Variants in RSRC1 observed in about 807,000 individuals in gnomAD.
RSRC1 encodes arginine and serine rich coiled-coil 1, also known as serine/Arginine-related protein 53.
Under a neutral mutation model 49.1 loss-of-function variants are expected in RSRC1, and 39 were observed. That is an observed-to-expected ratio of 0.79 (90% confidence interval 0.61 to 1.04). The LOEUF (loss-of-function observed/expected upper bound fraction) is 1.04, where lower values mean the gene tolerates loss of function less well. Among genes scored for constraint, RSRC1 ranks in the 50% least tolerant of loss-of-function variants. The probability of loss-of-function intolerance (pLI) is 0.00; values close to 1 mark genes in which losing one functional copy is unlikely to be tolerated. For synonymous variants in RSRC1, 143 were observed against 130.8 expected, an observed-to-expected ratio of 1.09 and a Z score of -0.63; for missense variants, 388 against 402.4, an observed-to-expected ratio of 0.96 and a Z score of 0.31.
At chr3:158,530,995 T>C (rs904219392) in intron 7 of RSRC1, among the ~76,000 whole-genome samples, 1 of 150,482 alleles carries the variant, frequency 6.6e-6, no homozygotes, top group Non-Finnish European at 1.5e-5. Flanking sequence ...AAACTTTTTA[T>C]AATTTGACAT....
intron 5 of RSRC1, among the ~76,000 whole-genome samples, chr3:158,338,337 T>A (rs1321278381): frequency 6.6e-6 from 1 of 152,236 alleles, no homozygotes; most frequent in African/African-American, 2.4e-5. Context: ...TGGTTTTTAT[T>A]TAAACCAACT....
intron 1 of RSRC1, among the ~76,000 whole-genome samples, chr3:158,116,740 GA>G (rs10711190): frequency 0.73 from 110,511 of 151,948 alleles, 41,239 homozygotes; most frequent in African/African-American, 0.89. Flanking sequence ...TGAGTCCCCT[GA>G]AAAGTGTTGT....
intron 5 of RSRC1, among the ~76,000 whole-genome samples, chr3:158,353,070 T>A (rs1047172544): frequency 5.3e-5 from 8 of 152,236 alleles, no homozygotes; most frequent in African/African-American, 1.9e-4. Context: ...TGTCATCTCC[T>A]CCTTCTCTAA....
At chr3:158,324,525 C>T (rs890555382) in intron 5 of RSRC1, among the ~76,000 whole-genome samples, 13 of 152,152 alleles carry the variant, frequency 8.5e-5, no homozygotes, top group African/African-American at 2.4e-4. Flanking sequence ...GAATGATGGT[C>T]TCCAGCTTCA....
intron 5 of RSRC1, among the ~76,000 whole-genome samples, chr3:158,330,092 A>G (rs1729457756): frequency 1.3e-5 from 2 of 152,206 alleles, no homozygotes; most frequent in Admixed American, 1.3e-4. Flanking sequence ...AAAGTGCAGT[A>G]TTAGGGTGGG....
At position 158,507,057 on chromosome 3, in the gene RSRC1, C is replaced by T. The variant is rs1486111541; in HGVS notation, c.653-30035C>T. Among the ~76,000 whole-genome samples the T allele has an allele frequency of 8.6e-5, 13 of 151,790 alleles. No individual in the cohort carries two copies. The East Asian group carries it at 2.3e-3, about 27-fold the overall frequency. The stretch of plus-strand genomic sequence containing the variant: ...TATACACAATGGAATATTATTCAGC[C>T]ACAAATAAAAGAGTGAAATCCTGTT... On this transcript the variant is annotated intron_variant, in intron 7 of 9. Transcript: ENST00000611884.
intron 4 of RSRC1, among the ~76,000 whole-genome samples, chr3:158,295,043 G>C (rs1446568130): frequency 6.6e-6 from 1 of 152,152 alleles, no homozygotes; most frequent in Non-Finnish European, 1.5e-5. Flanking sequence ...ACTGGTGTAA[G>C]TAGGAAAGTA....
intron 3 of RSRC1, among the ~76,000 whole-genome samples, chr3:158,138,770 A>C (rs962333256): frequency 1.3e-5 from 2 of 152,222 alleles, no homozygotes; most frequent in African/African-American, 4.8e-5. Context: ...CATTAAGTTA[A>C]AATTATTTTC....
At chr3:158,517,348 C>G (rs188930438) in intron 7 of RSRC1, among the ~76,000 whole-genome samples, 5 of 151,930 alleles carry the variant, frequency 3.3e-5, no homozygotes, top group African/African-American at 1.2e-4. Flanking sequence ...CTTTCTTTTT[C>G]TTTTCTCACT....
At chr3:158,423,870 C>G (rs530743098) in intron 6 of RSRC1, among the ~76,000 whole-genome samples, 6 of 151,166 alleles carry the variant, frequency 4.0e-5, no homozygotes, top group Admixed American at 2.6e-4. Context: ...TGATTTGGCT[C>G]TCTGTCTGTT....
intron 6 of RSRC1, among the ~76,000 whole-genome samples, chr3:158,435,842 G>A (rs1476284357): frequency 1.3e-5 from 2 of 151,648 alleles, no homozygotes; most frequent in Admixed American, 6.6e-5. Flanking sequence ...ACTAGAAGAT[G>A]TGTGTTTTAT....
intron 6 of RSRC1, among the ~76,000 whole-genome samples, chr3:158,441,412 A>G (rs1185523192): frequency 1.3e-5 from 2 of 152,130 alleles, no homozygotes; most frequent in Non-Finnish European, 2.9e-5. Flanking sequence ...TAACAAAAGA[A>G]AGAACCAAAC....
At chr3:158,200,496 A>C (rs1720980312) in intron 3 of RSRC1, among the ~76,000 whole-genome samples, 1 of 152,182 alleles carries the variant, frequency 6.6e-6, no homozygotes, top group Admixed American at 6.5e-5. Flanking sequence ...TAATGTACTT[A>C]TTGATATAAT....
chr3:158,305,438 A>G (rs1399270353), intron 5 of RSRC1, among the ~76,000 whole-genome samples: 6 of 152,136 alleles, frequency 3.9e-5, no homozygotes, highest in African/African-American at 1.4e-4. Context: ...GGGTCTGAAA[A>G]TCAGACCTTC....
At chr3:158,492,036 T>G (rs1739105707) in intron 7 of RSRC1, among the ~76,000 whole-genome samples, 1 of 152,120 alleles carries the variant, frequency 6.6e-6, no homozygotes, top group Admixed American at 6.5e-5. Context: ...TCCACATGGC[T>G]GGGGGAGGCC....
intron 3 of RSRC1, among the ~76,000 whole-genome samples, chr3:158,172,704 A>G (rs1476764017): frequency 1.3e-5 from 2 of 152,160 alleles, no homozygotes; most frequent in Admixed American, 6.5e-5. Flanking sequence ...ACATGTCATC[A>G]TCTTTTAGGA....
At chr3:158,276,368 G>T in intron 4 of RSRC1, 1 of 778,548 alleles carries the variant, frequency 1.3e-6, no homozygotes, top group Non-Finnish European at 2.3e-6. Flanking sequence ...GAAAGCGCAT[G>T]ATGACATCAG....
chr3:158,172,507 T>A (rs1718934205), intron 3 of RSRC1, among the ~76,000 whole-genome samples: 1 of 152,170 alleles, frequency 6.6e-6, no homozygotes, highest in African/African-American at 2.4e-5. Flanking sequence ...TGTTGAAACA[T>A]TAAAAGGAAG....
At chr3:158,441,744 C>T (rs1408548386) in intron 6 of RSRC1, among the ~76,000 whole-genome samples, 1 of 152,040 alleles carries the variant, frequency 6.6e-6, no homozygotes, top group Non-Finnish European at 1.5e-5. Context: ...CTTCAGGATA[C>T]ATAAAGCAAA....
Sources: allele counts gnomAD v4.1 joint callset (sites outside exome capture counted in the v4.1 genomes callset), GRCh38; gene constraint gnomAD v4.1.1; transcripts MANE v1.5; gene names NCBI Gene and HGNC (gene_info 2026-07-23, HGNC 2026-07-21).